TTLL11: variants seen among roughly 807,000 people sequenced by gnomAD.
TTLL11 encodes tubulin tyrosine ligase like 11, also known as tubulin polyglutamylase TTLL11.
A neutral mutation model predicts 51.7 loss-of-function variants in TTLL11; 42 were observed. The observed-to-expected ratio is 0.81, with a 90% CI of 0.64 to 1.05. The LOEUF (loss-of-function observed/expected upper bound fraction) is 1.05. Among genes scored for constraint, TTLL11 ranks in the 50% least tolerant of loss-of-function variants. The pLI is 0.00. For synonymous variants in TTLL11, 381 were observed against 383.5 expected (o/e 0.99, Z 0.08); for missense variants, 799 against 940.4 (o/e 0.85, Z 1.97).
chr9:121,979,528 T>G (rs187835876), intron 4 of TTLL11, among the ~76,000 whole-genome samples: 1 of 151,968 alleles, frequency 6.6e-6, no homozygotes, highest in Non-Finnish European at 1.5e-5. Context: ...AAGTCAAAAC[T>G]TTCCCTTCAT....
intron 6 of TTLL11, among the ~76,000 whole-genome samples, chr9:121,905,487 G>A (rs991678210): frequency 1.3e-5 from 2 of 152,028 alleles, no homozygotes; most frequent in African/African-American, 4.8e-5. Context: ...GAGTAGCTGG[G>A]ATTACAGGCA....
intron 6 of TTLL11, among the ~76,000 whole-genome samples, chr9:121,931,616 G>GA (rs1450779348): frequency 3.5e-3 from 472 of 135,026 alleles, no homozygotes; most frequent in Non-Finnish European, 6.5e-3. Context: ...GAAAAGAAAA[G>GA]AAAGAAATAT....
At chr9:121,823,635 C>A (rs930989679) in intron 8 of TTLL11, among the ~76,000 whole-genome samples, 3 of 152,146 alleles carry the variant, frequency 2.0e-5, no homozygotes, top group Admixed American at 1.3e-4. Context: ...GGTTTGACGG[C>A]AAAGTTCTAT....
Position 121,819,878 on chromosome 9 carries a change from G to A in TTLL11, c.*2709C>T, listed in dbSNP as rs1277395997. ...GCTTCTTATTAGGAATGGAGGAGGC[G>A]GGGTGATTCAGTTATCACTCATTCT... is the stretch of plus-strand genomic sequence containing the variant. On this transcript the variant is annotated 3_prime_UTR_variant, in exon 9 of 9. Coordinates refer to ENST00000321582, the MANE Select transcript of TTLL11 (RefSeq NM_001139442.2). 6.6e-6 allele frequency among the ~76,000 whole-genome samples: 1 copy of A among 152,238 alleles called. No homozygotes were observed. The highest frequency in any genetic ancestry group is 1.5e-5 in the Non-Finnish European group (1 of 68,040).
chr9:121,974,743 A>C, intron 5 of TTLL11, 141 bp downstream of exon 5: 1 of 705,974 alleles, frequency 1.4e-6, no homozygotes, highest in Non-Finnish European at 2.4e-6. Context: ...GAACTCAACA[A>C]AACTGAAATT....
At chr9:121,974,487 G>C (rs1349704903) in intron 5 of TTLL11, among the ~76,000 whole-genome samples, 2 of 151,942 alleles carry the variant, frequency 1.3e-5, no homozygotes, top group Non-Finnish European at 2.9e-5. Flanking sequence ...CATTTTTTGG[G>C]GGAGGGGGAG....
At chr9:121,851,774 TGTG>T (rs1837669299) in intron 8 of TTLL11, among the ~76,000 whole-genome samples, 1 of 152,158 alleles carries the variant, frequency 6.6e-6, no homozygotes, top group Non-Finnish European at 1.5e-5. Context: ...AACAATAAAG[TGTG>T]TGCAAACAAT....
rs560303278 is a variant in TTLL11 at position 122,019,809 on chromosome 9, G to C, written c.693+11914C>G. 1.9e-4 allele frequency among the ~76,000 whole-genome samples: 29 copies of C among 152,278 alleles called. No homozygotes were observed. The South Asian group carries it at 5.6e-3, about 29-fold the overall frequency. ...TATAATTCCCATGTATTGTAGGAGG[G>C]ACCCAGTGGGAGATAACTGAATCAT... On this transcript the variant is annotated intron_variant, in intron 3 of 8. Coordinates refer to ENST00000321582, the MANE Select transcript of TTLL11 (RefSeq NM_001139442.2).
chr9:122,033,765 T>C (rs1844625385), intron 2 of TTLL11, among the ~76,000 whole-genome samples: 1 of 152,162 alleles, frequency 6.6e-6, no homozygotes, highest in Non-Finnish European at 1.5e-5. Flanking sequence ...AGGTCTTAGT[T>C]GTTGTTTAGA....
chr9:121,839,351 G>GA lies in TTLL11; in HGVS notation c.1841-16473dup, dbSNP rs567077462. On this transcript the variant is annotated intron_variant, in intron 8 of 8. Transcript: ENST00000321582. ...AACATTAGGTGATCCACTTAGGGTA[G>GA]AAAAAATCCAGGCTTGATATCAGAC... 1.5e-4 allele frequency among the ~76,000 whole-genome samples: 23 copies of GA among 152,278 alleles called. No homozygotes were observed. The East Asian group carries it at 4.1e-3, about 27-fold the overall frequency.
intron 5 of TTLL11, among the ~76,000 whole-genome samples, chr9:121,974,388 A>C (rs1842649369): frequency 6.6e-6 from 1 of 152,242 alleles, no homozygotes; most frequent in African/African-American, 2.4e-5. Flanking sequence ...GAAATATAGA[A>C]AGGGGTTAAG....
chr9:121,882,071 C>A (rs879887801), intron 6 of TTLL11, among the ~76,000 whole-genome samples: 3 of 152,200 alleles, frequency 2.0e-5, no homozygotes, highest in Non-Finnish European at 4.4e-5. Context: ...CCATTCAGAG[C>A]CATACCTGGA....
chr9:121,915,990 T>TAC (rs59554930), intron 6 of TTLL11, among the ~76,000 whole-genome samples: 6,696 of 134,176 alleles, frequency 0.05, 213 homozygotes, highest in South Asian at 0.1. Context: ...GACACACACA[T>TAC]ACACACACAC....
intron 1 of TTLL11, among the ~76,000 whole-genome samples, chr9:122,066,184 C>G (rs1017926338): frequency 2.7e-5 from 4 of 145,656 alleles, no homozygotes; most frequent in African/African-American, 1.1e-4. Context: ...GACTGGGGAG[C>G]AGAGTGTTGT....
intron 8 of TTLL11, among the ~76,000 whole-genome samples, chr9:121,838,945 G>A (rs941257215): frequency 1.3e-5 from 2 of 152,194 alleles, no homozygotes; most frequent in African/African-American, 4.8e-5. Flanking sequence ...AGCTGCCGCT[G>A]TAACCCACGC....
chr9:122,045,777 AG>A (rs1251996258), intron 1 of TTLL11, among the ~76,000 whole-genome samples: 1 of 152,204 alleles, frequency 6.6e-6, no homozygotes, highest in African/African-American at 2.4e-5. Flanking sequence ...TGTGATGCTA[AG>A]TGAATGAGTC....
chr9:122,083,646 C>T (rs1201648669), intron 1 of TTLL11, among the ~76,000 whole-genome samples: 1 of 152,070 alleles, frequency 6.6e-6, no homozygotes, highest in African/African-American at 2.4e-5. Flanking sequence ...CCCGTCTCTA[C>T]TAAAAATACA....
rs184337763 is a variant in TTLL11, at chr9:122,006,077, C to T, written c.694-16307G>A. 4.7e-3 allele frequency among the ~76,000 whole-genome samples: 719 copies of T among 152,270 alleles called. 29 individuals are homozygous for T. Among genetic ancestry groups the T allele is most frequent in the Admixed American group, 0.042 (647 of 15,288 alleles). ...AATAAGGGCCAGGCACAGCGGCTCA[C>T]GCCTGTAATCCCAGCACTTTAGGAG... On this transcript the variant is annotated intron_variant, in intron 3 of 8. Transcript: ENST00000321582.
At position 121,853,856 on chromosome 9, in the gene TTLL11, A is replaced by G. The variant is rs1837739790; in HGVS notation, c.1840+6481T>C. Among the ~76,000 whole-genome samples the G allele has an allele frequency of 6.6e-6, 1 of 152,046 alleles. No homozygotes were observed. The highest frequency in any genetic ancestry group is 1.5e-5 in the Non-Finnish European group (1 of 68,002). On this transcript the variant is annotated intron_variant, in intron 8 of 8. Coordinates refer to ENST00000321582, the MANE Select transcript of TTLL11 (RefSeq NM_001139442.2). This position sits in a 1 kb window ranked among gnomAD's most constrained non-coding sequence, Gnocchi z 5.6. ...GGCTGTGAGGCAGGCCCTTCTTCCC[A>G]TCTCTGTCCCCAGCACCTGCAGAGC...
Sources: allele counts gnomAD v4.1 joint callset (sites outside exome capture counted in the v4.1 genomes callset), GRCh38; gene constraint gnomAD v4.1.1; non-coding constraint Gnocchi (gnomAD v3.1); transcripts MANE v1.5; gene names NCBI Gene and HGNC (gene_info 2026-07-23, HGNC 2026-07-21).